OPHN1: variants seen among roughly 807,000 people sequenced by gnomAD.
The protein encoded by OPHN1 is oligophrenin-1.
A neutral mutation model predicts 60.7 loss-of-function variants in OPHN1; 11 were observed. The observed-to-expected ratio is 0.18, with a 90% CI of 0.11 to 0.30. The LOEUF (loss-of-function observed/expected upper bound fraction) is 0.30. Ranked by LOEUF, OPHN1 falls within the 10% of genes least tolerant of loss-of-function variation. The pLI, the probability that OPHN1 is intolerant of heterozygous loss-of-function variation, is 1.00. For synonymous variants in OPHN1, 226 were observed against 222.6 expected (o/e 1.02, Z -0.14); for missense variants, 449 against 611.0 (o/e 0.73, Z 2.80).
intron 19 of OPHN1, among the ~76,000 whole-genome samples, chrX:68,082,145 T>G (rs1235124227): frequency 8.9e-6 from 1 of 111,955 alleles, no homozygotes; most frequent in African/African-American, 3.2e-5. Context: ...CACTTCTAAT[T>G]CTAGTTCTCT....
At chrX:68,409,379 T>C (rs940221275) in intron 2 of OPHN1, among the ~76,000 whole-genome samples, 13 of 111,553 alleles carry the variant, frequency 1.2e-4, no homozygotes, top group Non-Finnish European at 1.5e-4. Flanking sequence ...TTGGCTACAG[T>C]CCTGGAGAGG....
At chrX:68,239,085 G>A (rs1344171018) in intron 5 of OPHN1, among the ~76,000 whole-genome samples, 1 of 111,263 alleles carries the variant, frequency 9.0e-6, no homozygotes, top group African/African-American at 3.3e-5. Flanking sequence ...GGAGCCAGAA[G>A]GAGGATGGAG....
intron 15 of OPHN1, among the ~76,000 whole-genome samples, chrX:68,134,085 GA>G (rs2077209294): frequency 9.1e-6 from 1 of 110,441 alleles, no homozygotes; most frequent in South Asian, 3.9e-4. Context: ...TGAGGCAGGA[GA>G]ATCACTTGAA....
intron 3 of OPHN1, 113 bp from the exon 4 acceptor site, chrX:68,283,230 C>T (rs1174929327): frequency 5.3e-6 from 3 of 567,503 alleles, no homozygotes; most frequent in Non-Finnish European, 9.0e-6. Flanking sequence ...CACATGGCCA[C>T]TAGAGGAAGG....
intron 19 of OPHN1, among the ~76,000 whole-genome samples, chrX:68,083,558 A>G (rs1351954010): frequency 8.9e-6 from 1 of 111,915 alleles, no homozygotes; most frequent in Admixed American, 9.5e-5. Context: ...TTGGTTTCTT[A>G]TCATTTGTGT....
At position 68,341,264 on chromosome X, in the gene OPHN1, A is replaced by G. The variant is rs563707812; in HGVS notation, c.155-42168T>C. Among the ~76,000 whole-genome samples, 39 of 109,447 alleles carry G rather than the reference A, an allele frequency of 3.6e-4. 1 individual carries two copies. In the South Asian group the frequency reaches 0.015, roughly 43 times the overall value. ...CTGATGAATCTTAAGATCACAGAAAATAGAAGAAGATAACCAGATATTATG... is the reference window on the plus strand; with the variant it reads ...CTGATGAATCTTAAGATCACAGAAAGTAGAAGAAGATAACCAGATATTATG... On this transcript the variant is annotated intron_variant, in intron 2 of 24. Coordinates refer to ENST00000355520, the MANE Select transcript of OPHN1 (RefSeq NM_002547.3).
In OPHN1 at chrX:68,113,249, A is replaced by T. The variant is rs1484685132; in HGVS notation, c.1362-10T>A. 5.0e-6 allele frequency: 6 copies of T among 1,198,254 alleles called. No homozygotes were observed. Among genetic ancestry groups the T allele is most frequent in the Admixed American group, 2.2e-5 (1 of 45,706 alleles). On this transcript the variant is annotated splice_polypyrimidine_tract_variant and intron_variant, in intron 16 of 24. Coordinates refer to ENST00000355520, the MANE Select transcript of OPHN1 (RefSeq NM_002547.3). ...AGGTTCAGAAAGATTCCTGAAATGA[A>T]TGAAAATTGTCAGTTGCTTTGGGAA...
chrX:68,128,840 T>C (rs1422892035), intron 15 of OPHN1, among the ~76,000 whole-genome samples: 1 of 112,058 alleles, frequency 8.9e-6, no homozygotes, highest in Non-Finnish European at 1.9e-5. Flanking sequence ...GGCATGGTCA[T>C]AGTAGTATAA....
intron 2 of OPHN1, among the ~76,000 whole-genome samples, chrX:68,376,384 C>A (rs1180543244): frequency 9.0e-6 from 1 of 110,806 alleles, no homozygotes; most frequent in Non-Finnish European, 1.9e-5. Context: ...GCACTTCAGG[C>A]AGATGGAAGT....
At chrX:68,094,685 G>A (rs1277209426) in intron 19 of OPHN1, among the ~76,000 whole-genome samples, 1 of 110,707 alleles carries the variant, frequency 9.0e-6, no homozygotes, top group Non-Finnish European at 1.9e-5. Context: ...TCTTACCCAG[G>A]CAGAGCAAAT....
At chrX:68,307,895 A>C (rs2078153803) in intron 2 of OPHN1, among the ~76,000 whole-genome samples, 1 of 111,843 alleles carries the variant, frequency 8.9e-6, no homozygotes, top group Admixed American at 9.5e-5. Context: ...AAAATGCCCG[A>C]GGGATTCCTA....
upstream of OPHN1, chrX:68,433,778 G>A: frequency 3.4e-6 from 1 of 297,885 alleles, no homozygotes; most frequent in Middle Eastern, 8.8e-4. Flanking sequence ...ACTGCAGCGG[G>A]AAGAGGAGGG....
chrX:68,157,362 CTG>C (rs1358801127), intron 15 of OPHN1, among the ~76,000 whole-genome samples: 1 of 111,871 alleles, frequency 8.9e-6, no homozygotes, highest in African/African-American at 3.2e-5. Flanking sequence ...GATAAAGAAA[CTG>C]TAGTACATAT....
chrX:68,145,417 G>A (rs1370711133), intron 15 of OPHN1, among the ~76,000 whole-genome samples: 2 of 111,769 alleles, frequency 1.8e-5, no homozygotes, highest in Non-Finnish European at 3.8e-5. Context: ...CGCATGAACA[G>A]CAGAGGTTGT....
intron 19 of OPHN1, among the ~76,000 whole-genome samples, chrX:68,081,938 C>T (rs961822654): frequency 1.8e-5 from 2 of 112,254 alleles, no homozygotes; most frequent in African/African-American, 3.2e-5. Flanking sequence ...CTCTCAAACC[C>T]GGCCACTGCT....
At chrX:68,139,847 A>G (rs1227549224) in intron 15 of OPHN1, among the ~76,000 whole-genome samples, 1 of 112,188 alleles carries the variant, frequency 8.9e-6, no homozygotes, top group Non-Finnish European at 1.9e-5. Flanking sequence ...GAAAACAGGT[A>G]GGGGACTAAG....
At chrX:68,412,353 A>T (rs998662385) in intron 2 of OPHN1, among the ~76,000 whole-genome samples, 1 of 112,094 alleles carries the variant, frequency 8.9e-6, no homozygotes, top group Non-Finnish European at 1.9e-5. Context: ...ACATTATGCT[A>T]AGTGAAATAA....
chrX:68,160,193 T>TTAA (rs1370751259), intron 15 of OPHN1, among the ~76,000 whole-genome samples: 6 of 109,875 alleles, frequency 5.5e-5, no homozygotes, highest in Non-Finnish European at 1.1e-4. Flanking sequence ...AGAGGAATAT[T>TTAA]TAATAATAAT....
At chrX:68,425,319 G>A (rs1203335098) in intron 2 of OPHN1, among the ~76,000 whole-genome samples, 2 of 112,246 alleles carry the variant, frequency 1.8e-5, no homozygotes, top group African/African-American at 6.5e-5. Context: ...AGATGAATTG[G>A]CTCCTAAAGT....
Sources: allele counts gnomAD v4.1 joint callset (sites outside exome capture counted in the v4.1 genomes callset), GRCh38; gene constraint gnomAD v4.1.1; transcripts MANE v1.5; gene names NCBI Gene and HGNC (gene_info 2026-07-23, HGNC 2026-07-21).